The following BICRAL variants were observed in gnomAD, a reference collection of about 807,000 sequenced individuals.
BICRAL encodes the protein BICRA like chromatin remodeling complex associated protein.
Under a neutral mutation model 91.8 loss-of-function variants are expected in BICRAL, and 8 were observed. The observed-to-expected ratio is 0.09, with a 90% CI of 0.05 to 0.16. The LOEUF is 0.16. Ranked by LOEUF, BICRAL falls within the 10% of genes least tolerant of loss-of-function variation. The probability of loss-of-function intolerance (pLI) is 1.00; values close to 1 mark genes in which losing one functional copy is unlikely to be tolerated. For synonymous variants in BICRAL, 445 were observed against 491.1 expected, an observed-to-expected ratio of 0.91 and a Z score of 1.24; for missense variants, 1,038 against 1,310.9, an observed-to-expected ratio of 0.79 and a Z score of 3.21.
At chr6:42,833,406 C>A (rs1003584545) in intron 6 of BICRAL, among the ~76,000 whole-genome samples, 2 of 151,996 alleles carry the variant, frequency 1.3e-5, no homozygotes, top group African/African-American at 4.8e-5. Context: ...GTAGCTGGAA[C>A]TACAGGCTCA....
At position 42,855,951 on chromosome 6, in the gene BICRAL, G is replaced by A. The variant is rs745436209; in HGVS notation, c.2108+34G>A. On this transcript the variant is annotated intron_variant, in intron 9 of 12. Transcript: ENST00000314073. Reference sequence around the variant, plus strand: ...CTCTCGGAAATGACAAATCAATTCTGAACACTTCTTTGGGTCCCTAGCCTT... The same window carrying A: ...CTCTCGGAAATGACAAATCAATTCTAAACACTTCTTTGGGTCCCTAGCCTT... 49 of 1,551,112 alleles carry A rather than the reference G, an allele frequency of 3.2e-5. 1 individual carries two copies. In the East Asian group the frequency reaches 8.1e-4, roughly 26 times the overall value.
At chr6:42,799,389 C>G (rs1763502705) in intron 1 of BICRAL, among the ~76,000 whole-genome samples, 1 of 151,492 alleles carries the variant, frequency 6.6e-6, no homozygotes, top group African/African-American at 2.4e-5. Context: ...GCCTCAGCCT[C>G]CTGGGTTCAA....
chr6:42,757,892 G>C (rs901435901), intron 1 of BICRAL, among the ~76,000 whole-genome samples: 5 of 152,188 alleles, frequency 3.3e-5, no homozygotes, highest in Admixed American at 1.3e-4. Context: ...TTAGCCAAAA[G>C]GCCAAGAAGC....
At chr6:42,788,095 G>A (rs1763154571) in intron 1 of BICRAL, among the ~76,000 whole-genome samples, 1 of 151,776 alleles carries the variant, frequency 6.6e-6, no homozygotes, top group South Asian at 2.1e-4. Context: ...TAGAGACAGG[G>A]TCTCCCTATG....
At chr6:42,753,391 AAGGAGCCCACT>A (rs1420945572) in intron 1 of BICRAL, among the ~76,000 whole-genome samples, 1 of 151,854 alleles carries the variant, frequency 6.6e-6, no homozygotes, top group Non-Finnish European at 1.5e-5. Context: ...AAAGAGTTAC[AAGGAGCCCACT>A]AGTGGTGGGG....
intron 1 of BICRAL, among the ~76,000 whole-genome samples, chr6:42,771,509 G>GGGGGGGGGGGGGGA (rs577003249): frequency 1.4e-5 from 2 of 140,814 alleles, no homozygotes; most frequent in African/African-American, 5.1e-5. Flanking sequence ...TGGTGGGGGG[G>GGGGGGGGGGGGGGA]TCCTGTCTGA....
chr6:42,801,618 C>T (rs536099906), intron 1 of BICRAL, among the ~76,000 whole-genome samples: 7 of 152,152 alleles, frequency 4.6e-5, no homozygotes, highest in African/African-American at 7.2e-5. Flanking sequence ...TGTGGTGGCT[C>T]ATACCTTAAT....
chr6:42,846,504 G>C (rs1413180237), intron 6 of BICRAL, among the ~76,000 whole-genome samples: 2 of 152,066 alleles, frequency 1.3e-5, no homozygotes, highest in Admixed American at 6.6e-5. Context: ...TGATCTTGAC[G>C]CAACCTGAAT....
At chr6:42,783,436 G>A (rs1331804531) in intron 1 of BICRAL, among the ~76,000 whole-genome samples, 1 of 152,226 alleles carries the variant, frequency 6.6e-6, no homozygotes, top group African/African-American at 2.4e-5. Flanking sequence ...GGGTGGGGGG[G>A]TGCGGTTGGA....
At chr6:42,799,225 A>T (rs1763498687) in intron 1 of BICRAL, among the ~76,000 whole-genome samples, 1 of 151,520 alleles carries the variant, frequency 6.6e-6, no homozygotes, top group Non-Finnish European at 1.5e-5. Flanking sequence ...TTTATATCAC[A>T]TTATACTAGC....
chr6:42,844,070 G>A (rs971276286), intron 6 of BICRAL, among the ~76,000 whole-genome samples: 7 of 149,550 alleles, frequency 4.7e-5, no homozygotes, highest in Non-Finnish European at 1.0e-4. Context: ...CTAAAGTGCT[G>A]GGATTACAGA....
chr6:42,770,610 T>A (rs898096667), intron 1 of BICRAL, among the ~76,000 whole-genome samples: 3 of 152,022 alleles, frequency 2.0e-5, no homozygotes. Flanking sequence ...CAGACGGGGT[T>A]TCACCATGTT....
At chr6:42,784,626 T>C (rs537522225) in intron 1 of BICRAL, among the ~76,000 whole-genome samples, 4 of 152,236 alleles carry the variant, frequency 2.6e-5, no homozygotes, top group African/African-American at 4.8e-5. Flanking sequence ...CTAACGTTCA[T>C]AGAAGTATAG....
At chr6:42,777,199 T>A (rs1762819029), upstream of BICRAL, among the ~76,000 whole-genome samples, 1 of 152,228 alleles carries the variant, frequency 6.6e-6, no homozygotes, top group South Asian at 2.1e-4. Flanking sequence ...AATAAGGCAG[T>A]ACAGTTGAAT....
At chr6:42,818,021 T>C (rs558920913) in intron 2 of BICRAL, among the ~76,000 whole-genome samples, 4 of 150,676 alleles carry the variant, frequency 2.7e-5, no homozygotes, top group Non-Finnish European at 5.9e-5. Flanking sequence ...TACAAATACC[T>C]GGAAATGGAT....
rs891870331 is a variant in BICRAL, at chr6:42,773,438, G to A, written c.-260-8401G>A. On this transcript the variant is annotated intron_variant, in intron 1 of 14. Transcript: ENST00000614467. ...TCGCCATGTTGCCCAGGCTGGTCTCGAACTTCTGGGCTCAAGCAGTTCTCT... is the reference window on the plus strand; with the variant it reads ...TCGCCATGTTGCCCAGGCTGGTCTCAAACTTCTGGGCTCAAGCAGTTCTCT... 1.0e-3 allele frequency among the ~76,000 whole-genome samples: 152 copies of A among 151,094 alleles called. 1 individual carries two copies. Among genetic ancestry groups the A allele is most frequent in the African/African-American group, 3.4e-3 (140 of 41,076 alleles).
At chr6:42,854,058 C>T (rs963232419) in intron 8 of BICRAL, among the ~76,000 whole-genome samples, 11 of 152,196 alleles carry the variant, frequency 7.2e-5, no homozygotes, top group African/African-American at 2.4e-4. Context: ...TAGGTGATAT[C>T]GTTCACTATT....
At chr6:42,756,028 CAGCA>C (rs1199737118) in intron 1 of BICRAL, among the ~76,000 whole-genome samples, 1 of 152,146 alleles carries the variant, frequency 6.6e-6, no homozygotes, top group African/African-American at 2.4e-5. Flanking sequence ...CATCTCCTCT[CAGCA>C]AGCAAGTTTC....
chr6:42,855,372 C>T (rs942214796), intron 8 of BICRAL, among the ~76,000 whole-genome samples: 3 of 152,156 alleles, frequency 2.0e-5, no homozygotes, highest in African/African-American at 7.2e-5. Context: ...AAAACTCCGT[C>T]TCTACAAAAA....
Sources: gnomAD v4.1 joint callset for allele counts (sites outside exome capture counted in the v4.1 genomes callset) on GRCh38, gnomAD v4.1.1 for gene constraint, MANE v1.5 for transcripts, NCBI Gene and HGNC (gene_info 2026-07-23, HGNC 2026-07-21) for gene names.